IPO7: variants seen among roughly 807,000 people sequenced by gnomAD.
IPO7 encodes importin-7.
IPO7 carries 13 observed loss-of-function variants against 136.4 expected under a neutral mutation model. The observed-to-expected ratio is 0.10, with a 90% CI of 0.06 to 0.15. IPO7 has a LOEUF of 0.15. Among genes scored for constraint, IPO7 ranks in the 10% least tolerant of loss-of-function variants. IPO7 has a pLI of 1.00. For missense variants in IPO7, 857 were observed against 1,240.6 expected (o/e 0.69, Z 4.65); for synonymous variants, 403 against 404.4 (o/e 1.00, Z 0.04).
chr11:9,428,119 CAAAAAAAAAGA>C (rs927776218), intron 12 of IPO7, among the ~76,000 whole-genome samples: 5 of 141,820 alleles, frequency 3.5e-5, no homozygotes, highest in East Asian at 2.0e-4. Flanking sequence ...GACTCCGTCT[CAAAAAAAAAGA>C]AAAAAAAAAG....
At chr11:9,412,688 C>T (rs1854983349) in intron 4 of IPO7, among the ~76,000 whole-genome samples, 1 of 151,994 alleles carries the variant, frequency 6.6e-6, no homozygotes, top group South Asian at 2.1e-4. Flanking sequence ...AGTAATCAGC[C>T]AGATGTGGTG....
chr11:9,448,116 T>C lies in IPO7; in HGVS notation c.*2922T>C, dbSNP rs1320537684. 3 of 152,232 alleles carry C rather than the reference T, an allele frequency of 2.0e-5. No individual in the cohort carries two copies. The highest frequency in any genetic ancestry group is 2.0e-4 in the Admixed American group (3 of 15,276). The allele number at this position is 152,232 out of a possible 1,614,324, so 9.4% of individuals were successfully genotyped here. On this transcript the variant is annotated 3_prime_UTR_variant, in exon 25 of 25. Transcript: ENST00000379719. The stretch of plus-strand genomic sequence containing the variant: ...CTGTTTGTAAAATAAATGACTTAAA[T>C]TTAAAACATCAGTTATAAAACTGTC...
chr11:9,428,402 T>C (rs1050934288), intron 12 of IPO7, 138 bp from the exon 13 acceptor site: 6 of 455,784 alleles, frequency 1.3e-5, no homozygotes, highest in Non-Finnish European at 2.0e-5. Flanking sequence ...CGAAAATTGG[T>C]TGTGGATTCT....
chr11:9,426,769 A>C (rs1028339427), intron 12 of IPO7, among the ~76,000 whole-genome samples: 2 of 150,842 alleles, frequency 1.3e-5, no homozygotes, highest in Non-Finnish European at 3.0e-5. Context: ...TTTTCTTTTT[A>C]TTTTTTGAGA....
intron 12 of IPO7, among the ~76,000 whole-genome samples, chr11:9,427,424 T>A (rs1022980165): frequency 1.3e-5 from 2 of 151,954 alleles, no homozygotes; most frequent in African/African-American, 4.8e-5. Flanking sequence ...CCACACCAGC[T>A]AATTTTTGTA....
At chr11:9,419,559 A>ATATATATAT (rs1554954689) in intron 6 of IPO7, among the ~76,000 whole-genome samples, 7 of 116,846 alleles carry the variant, frequency 6.0e-5, no homozygotes, top group African/African-American at 2.6e-4. Flanking sequence ...AAAAAAAAAA[A>ATATATATAT]ATATATATAT....
At chr11:9,418,614 T>G (rs886189773) in intron 6 of IPO7, among the ~76,000 whole-genome samples, 2 of 152,210 alleles carry the variant, frequency 1.3e-5, no homozygotes, top group African/African-American at 4.8e-5. Context: ...GGAAACTAGT[T>G]TGGTGTATAT....
In IPO7 at chr11:9,445,731, C is replaced by T. The variant is rs1355985823; in HGVS notation, c.*537C>T. On this transcript the variant is annotated 3_prime_UTR_variant, in exon 25 of 25. Transcript: ENST00000379719. The stretch of plus-strand genomic sequence containing the variant: ...GTCTTCATCATTTTCATCATTGTTC[C>T]TATGTAGATTATTGGACATTTATTG... 6.6e-6 allele frequency: 1 copy of T among 152,284 alleles called. No individual in the cohort carries two copies. Among genetic ancestry groups the T allele is most frequent in the Non-Finnish European group, 1.5e-5 (1 of 68,222 alleles). 9.4% of individuals were successfully genotyped at this position (152,284 alleles called of 1,614,324 possible). A position where few individuals can be genotyped will look rare whatever the true frequency, so the allele number is the denominator to read the frequency against.
At chr11:9,390,766 A>ATGGGGAGACCCAGTCAC (rs1554952119) in intron 1 of IPO7, among the ~76,000 whole-genome samples, 1 of 152,012 alleles carries the variant, frequency 6.6e-6, no homozygotes, top group Non-Finnish European at 1.5e-5. Context: ...CCTGGGCAAC[A>ATGGGGAGACCCAGTCAC]TACAAAAAAA....
intron 18 of IPO7, among the ~76,000 whole-genome samples, chr11:9,434,252 C>T (rs1279825467): frequency 6.6e-6 from 1 of 152,106 alleles, no homozygotes; most frequent in African/African-American, 2.4e-5. Context: ...GTTCAGACTG[C>T]TTCACTGTTC....
chr11:9,424,861 G>A, intron 10 of IPO7, 53 bp from the exon 11 acceptor site: 1 of 1,109,872 alleles, frequency 9.0e-7, no homozygotes, highest in Non-Finnish European at 1.4e-6. Flanking sequence ...GTTTTTTAAT[G>A]CTTTGTTGAA....
intron 1 of IPO7, among the ~76,000 whole-genome samples, chr11:9,400,666 C>T (rs556440565): frequency 2.0e-5 from 3 of 152,024 alleles, no homozygotes; most frequent in African/African-American, 4.8e-5. Flanking sequence ...TCGTGGTCCG[C>T]CCGCCTCGGC....
chr11:9,403,517 G>C, intron 2 of IPO7, 146 bp downstream of exon 2: 1 of 582,516 alleles, frequency 1.7e-6, no homozygotes. Flanking sequence ...GCTAACATCA[G>C]GTACCTTGAT....
chr11:9,385,971 TGAAAAA>T (rs1156436239), intron 1 of IPO7, among the ~76,000 whole-genome samples: 2 of 152,208 alleles, frequency 1.3e-5, no homozygotes, highest in African/African-American at 4.8e-5. Flanking sequence ...ATTTTTTAAC[TGAAAAA>T]GAAATCACAC....
At chr11:9,406,407 T>G (rs992530538) in intron 2 of IPO7, among the ~76,000 whole-genome samples, 1 of 152,136 alleles carries the variant, frequency 6.6e-6, no homozygotes, top group South Asian at 2.1e-4. Context: ...AAATTTTTAC[T>G]AAGAAGTTAA....
intron 1 of IPO7, among the ~76,000 whole-genome samples, chr11:9,401,607 T>C (rs1435860459): frequency 6.6e-6 from 1 of 151,186 alleles, no homozygotes; most frequent in African/African-American, 2.4e-5. Context: ...AATTTAGGAA[T>C]ATGTAACCTT....
intron 24 of IPO7, among the ~76,000 whole-genome samples, chr11:9,443,613 A>G (rs1231621110): frequency 6.7e-6 from 1 of 149,640 alleles, no homozygotes; most frequent in Non-Finnish European, 1.5e-5. Context: ...AAAAAAATTT[A>G]AACACTTGGC....
chr11:9,397,171 G>T (rs187890046), intron 1 of IPO7, among the ~76,000 whole-genome samples: 1 of 150,112 alleles, frequency 6.7e-6, no homozygotes, highest in Admixed American at 6.7e-5. Context: ...CCAGGCTGGA[G>T]TGGAGTGGTG....
At chr11:9,404,757 G>C (rs532927183) in intron 2 of IPO7, among the ~76,000 whole-genome samples, 2 of 151,738 alleles carry the variant, frequency 1.3e-5, no homozygotes, top group Non-Finnish European at 2.9e-5. Flanking sequence ...TAGTAGAGAC[G>C]GGGTTTCACC....
Sources: allele counts gnomAD v4.1 joint callset (sites outside exome capture counted in the v4.1 genomes callset), GRCh38; gene constraint gnomAD v4.1.1; transcripts MANE v1.5; gene names NCBI Gene and HGNC (gene_info 2026-07-23, HGNC 2026-07-21).